The following TENT2 variants were observed in gnomAD, a reference collection of about 807,000 sequenced individuals.
The protein encoded by TENT2 is terminal nucleotidyltransferase 2.
TENT2 carries 44 observed loss-of-function variants against 72.2 expected under a neutral mutation model. That is an observed-to-expected ratio of 0.61 (90% confidence interval 0.48 to 0.78). The LOEUF (loss-of-function observed/expected upper bound fraction) is 0.78, where lower values mean the gene tolerates loss of function less well. TENT2 is among the 30% of genes least tolerant of loss of function. The probability of loss-of-function intolerance (pLI) is 0.00; values close to 1 mark genes in which losing one functional copy is unlikely to be tolerated. For missense variants in TENT2, 541 were observed against 569.6 expected (o/e 0.95, Z 0.51); for synonymous variants, 212 against 192.5 (o/e 1.10, Z -0.84).
chr5:79,666,916 C>A (rs574503311), intron 11 of TENT2, among the ~76,000 whole-genome samples: 199 of 152,264 alleles, frequency 1.3e-3, no homozygotes, highest in Non-Finnish European at 2.4e-3. Flanking sequence ...TTACTGGTAG[C>A]TGCCTTTAGG....
chr5:79,679,181 G>A (rs1819787938), intron 12 of TENT2, among the ~76,000 whole-genome samples: 1 of 152,088 alleles, frequency 6.6e-6, no homozygotes, highest in Non-Finnish European at 1.5e-5. Flanking sequence ...TGAGATTACA[G>A]GAGTGAGCCT....
intron 13 of TENT2, 127 bp from the exon 14 acceptor site, chr5:79,681,854 TG>T: frequency 1.6e-6 from 1 of 640,598 alleles, no homozygotes; most frequent in South Asian, 2.1e-5. Context: ...GATATTAGGC[TG>T]ACCCATCTGA....
intron 4 of TENT2, among the ~76,000 whole-genome samples, chr5:79,639,782 C>T (rs567738807): frequency 7.2e-5 from 11 of 152,182 alleles, no homozygotes; most frequent in South Asian, 4.1e-4. Flanking sequence ...AGAGCTAGAG[C>T]AGTTCCAGTT....
intron 12 of TENT2, 96 bp downstream of exon 12, chr5:79,669,124 G>GC: frequency 7.2e-7 from 1 of 1,397,672 alleles, no homozygotes; most frequent in Non-Finnish European, 9.6e-7. Context: ...AAATGCTACA[G>GC]ATTTAGTCAG....
At chr5:79,645,250 T>G in intron 8 of TENT2, 58 bp downstream of exon 8, 7 of 1,291,284 alleles carry the variant, frequency 5.4e-6, no homozygotes, top group Non-Finnish European at 5.5e-6. Context: ...TAGATACTCA[T>G]CTGATAAAGA....
At chr5:79,648,483 AAC>A (rs763743893) in intron 8 of TENT2, 132 bp from the exon 9 acceptor site, 9 of 612,104 alleles carry the variant, frequency 1.5e-5, no homozygotes, top group Middle Eastern at 3.6e-4. Context: ...TCATTTTAAA[AAC>A]ACAGATCTAT....
intron 8 of TENT2, among the ~76,000 whole-genome samples, chr5:79,646,021 A>G (rs997964708): frequency 1.3e-5 from 2 of 152,200 alleles, no homozygotes; most frequent in African/African-American, 2.4e-5. Context: ...CCATGTTTCC[A>G]GCTGAGATAG....
At chr5:79,633,861 A>C (rs1376614235) in intron 4 of TENT2, among the ~76,000 whole-genome samples, 1 of 151,604 alleles carries the variant, frequency 6.6e-6, no homozygotes, top group Non-Finnish European at 1.5e-5. Context: ...TACATATAAA[A>C]ACTTTTCTGG....
chr5:79,659,584 A>G (rs1487808150), intron 11 of TENT2, among the ~76,000 whole-genome samples: 2 of 129,936 alleles, frequency 1.5e-5, no homozygotes, highest in East Asian at 2.3e-4. Context: ...ATATATATAT[A>G]TATATATATA....
At chr5:79,646,957 CAG>C (rs539516181) in intron 8 of TENT2, among the ~76,000 whole-genome samples, 4 of 151,908 alleles carry the variant, frequency 2.6e-5, no homozygotes, top group South Asian at 2.1e-4. Flanking sequence ...TTGGTAGAGA[CAG>C]GGTCTCGCCA....
intron 4 of TENT2, among the ~76,000 whole-genome samples, chr5:79,635,404 C>T (rs967186420): frequency 1.3e-5 from 2 of 151,644 alleles, no homozygotes; most frequent in Non-Finnish European, 2.9e-5. Flanking sequence ...AAAGTGTTTC[C>T]ATGCATGTAA....
At chr5:79,626,690 G>C (rs1418161749) in intron 4 of TENT2, among the ~76,000 whole-genome samples, 1 of 146,808 alleles carries the variant, frequency 6.8e-6, no homozygotes, top group African/African-American at 2.6e-5. Context: ...TTGAACTCCT[G>C]GCCTCAAGTG....
At chr5:79,629,658 T>G (rs558099909) in intron 4 of TENT2, among the ~76,000 whole-genome samples, 76 of 150,672 alleles carry the variant, frequency 5.0e-4, no homozygotes, top group Non-Finnish European at 1.0e-3. Context: ...AAACCCCGTC[T>G]TTACTAAAAA....
chr5:79,613,559 A>G (rs1756928761), intron 1 of TENT2, among the ~76,000 whole-genome samples: 1 of 152,202 alleles, frequency 6.6e-6, no homozygotes, highest in Admixed American at 6.5e-5. Flanking sequence ...AACAGCCATA[A>G]GGCTATTAAT....
intron 11 of TENT2, among the ~76,000 whole-genome samples, chr5:79,661,528 C>T (rs1325167180): frequency 1.3e-5 from 2 of 152,146 alleles, no homozygotes; most frequent in Non-Finnish European, 2.9e-5. Flanking sequence ...TAAAGTGAGT[C>T]ACATGAATTT....
chr5:79,684,918 C>T (rs1373034628), intron 14 of TENT2, among the ~76,000 whole-genome samples: 2 of 152,056 alleles, frequency 1.3e-5, no homozygotes, highest in African/African-American at 2.4e-5. Flanking sequence ...AATAGCTGAG[C>T]GTGATGGCAT....
intron 10 of TENT2, among the ~76,000 whole-genome samples, chr5:79,651,811 C>G (rs1315725063): frequency 6.6e-6 from 1 of 151,956 alleles, no homozygotes; most frequent in Non-Finnish European, 1.5e-5. Context: ...TGTTAATGTT[C>G]TTAATTTCAT....
chr5:79,682,099 A>G, intron 14 of TENT2, 38 bp downstream of exon 14: 14 of 1,473,934 alleles, frequency 9.5e-6, no homozygotes, highest in Non-Finnish European at 1.3e-5. Context: ...AAACATTAGT[A>G]GACTAGTATG....
At chr5:79,663,109 C>A (rs546828240) in intron 11 of TENT2, among the ~76,000 whole-genome samples, 1 of 152,310 alleles carries the variant, frequency 6.6e-6, no homozygotes, top group South Asian at 2.1e-4. Context: ...CTGCTACCTT[C>A]CAACTTTTCT....
Sources: gnomAD v4.1 joint callset for allele counts (sites outside exome capture counted in the v4.1 genomes callset) on GRCh38, gnomAD v4.1.1 for gene constraint, MANE v1.5 for transcripts, NCBI Gene and HGNC (gene_info 2026-07-23, HGNC 2026-07-21) for gene names.